Variants in PPP2R2B observed in about 807,000 individuals in gnomAD.
PPP2R2B encodes serine/threonine-protein phosphatase 2A 55 kDa regulatory subunit B beta isoform.
PPP2R2B carries 5 observed loss-of-function variants against 46.0 expected under a neutral mutation model. That is an observed-to-expected ratio of 0.11 (90% CI 0.06 to 0.23). The LOEUF (loss-of-function observed/expected upper bound fraction) is 0.23. Ranked by LOEUF, PPP2R2B falls within the 10% of genes least tolerant of loss-of-function variation. PPP2R2B has a pLI of 1.00. For synonymous variants in PPP2R2B, 215 were observed against 206.7 expected (o/e 1.04, Z -0.34); for missense variants, 367 against 575.0 (o/e 0.64, Z 3.70).
intron 2 of PPP2R2B, among the ~76,000 whole-genome samples, chr5:146,832,379 C>CTTTTTTTTTTTTT (rs34269274): frequency 5.7e-5 from 4 of 70,192 alleles, no homozygotes; most frequent in Non-Finnish European, 5.4e-5. Context: ...CATTTTTAAT[C>CTTTTTTTTTTTTT]TTTTTTTTTT....
chr5:146,979,599 G>A (rs1168586144), intron 1 of PPP2R2B, among the ~76,000 whole-genome samples: 2 of 136,228 alleles, frequency 1.5e-5, no homozygotes, highest in South Asian at 4.9e-4. Context: ...ACACACACAC[G>A]CTAGTCCCTC....
In PPP2R2B at chr5:147,016,426, G is replaced by A. The variant is rs546753050; in HGVS notation, c.79+39239C>T. On this transcript the variant is annotated intron_variant, in intron 1 of 8. Coordinates refer to the PPP2R2B transcript ENST00000336640. ...TATGACTTTGTTTTACTTCTAAGAC[G>A]TTGTTAGCATAGAATTTGAAGCTTA... Among the ~76,000 whole-genome samples, 72 of 151,258 alleles carry A rather than the reference G, an allele frequency of 4.8e-4. 1 individual carries two copies. The highest frequency in any genetic ancestry group is 1.6e-3 in the African/African-American group (65 of 41,434).
chr5:146,895,424 T>C (rs1448045727), intron 1 of PPP2R2B, among the ~76,000 whole-genome samples: 1 of 152,200 alleles, frequency 6.6e-6, no homozygotes, highest in Non-Finnish European at 1.5e-5. Flanking sequence ...AGTAAGCTCA[T>C]GAAAGAATCA....
intron 1 of PPP2R2B, among the ~76,000 whole-genome samples, chr5:146,948,771 C>G (rs115353154): frequency 1.9e-3 from 283 of 152,090 alleles, no homozygotes; most frequent in African/African-American, 6.6e-3. Flanking sequence ...AAGATAATAT[C>G]CTTACTTTCA....
At chr5:146,802,846 G>A (rs1303632656) in intron 2 of PPP2R2B, among the ~76,000 whole-genome samples, 2 of 152,188 alleles carry the variant, frequency 1.3e-5, no homozygotes, top group Non-Finnish European at 2.9e-5. Flanking sequence ...GCCAGCACTA[G>A]TTAGTTATGC....
chr5:147,074,146 A>G (rs1171981102), intron 2 of PPP2R2B, among the ~76,000 whole-genome samples: 1 of 152,188 alleles, frequency 6.6e-6, no homozygotes, highest in African/African-American at 2.4e-5. Context: ...AGTAATATAC[A>G]TTTTAACACC....
chr5:146,875,936 G>T (rs1387904118), intron 2 of PPP2R2B, among the ~76,000 whole-genome samples: 1 of 152,194 alleles, frequency 6.6e-6, no homozygotes, highest in Admixed American at 6.5e-5. Context: ...GAAACGAATA[G>T]GTCAAAACTG....
intron 2 of PPP2R2B, among the ~76,000 whole-genome samples, chr5:146,818,018 C>G (rs1403113788): frequency 6.6e-6 from 1 of 152,174 alleles, no homozygotes; most frequent in African/African-American, 2.4e-5. Context: ...CAGGGCTGCC[C>G]TATGCCCAAA....
intron 2 of PPP2R2B, among the ~76,000 whole-genome samples, chr5:147,078,045 AC>A (rs890166413): frequency 3.9e-5 from 6 of 152,158 alleles, no homozygotes; most frequent in African/African-American, 1.4e-4. Flanking sequence ...AAACTGTCTC[AC>A]CCATTTATAA....
intron 2 of PPP2R2B, among the ~76,000 whole-genome samples, chr5:146,737,737 T>C (rs1399739240): frequency 6.6e-6 from 1 of 152,146 alleles, no homozygotes. Context: ...GTGTTATATT[T>C]ATGGTGGGTG....
intron 4 of PPP2R2B, among the ~76,000 whole-genome samples, chr5:146,692,510 T>C (rs898128754): frequency 1.3e-5 from 2 of 150,686 alleles, no homozygotes; most frequent in African/African-American, 4.9e-5. Context: ...GTGCCCTACA[T>C]GCAGGCTTTT....
At chr5:147,027,410 G>A (rs570120480) in intron 1 of PPP2R2B, among the ~76,000 whole-genome samples, 15 of 152,182 alleles carry the variant, frequency 9.9e-5, no homozygotes, top group Admixed American at 2.6e-4. Flanking sequence ...AGAGGCCGGC[G>A]GATCATGAGG....
chr5:146,881,867 A>G (rs1762178246), upstream of PPP2R2B, among the ~76,000 whole-genome samples: 1 of 152,252 alleles, frequency 6.6e-6, no homozygotes, highest in Non-Finnish European at 1.5e-5. Flanking sequence ...TCATATTAAA[A>G]TAATCTGTTG....
At chr5:146,695,120 TTAAG>T (rs1779101300) in intron 4 of PPP2R2B, among the ~76,000 whole-genome samples, 2 of 152,120 alleles carry the variant, frequency 1.3e-5, no homozygotes, top group African/African-American at 2.4e-5. Flanking sequence ...ATTCCTATTA[TTAAG>T]TGTTATATTA....
intron 2 of PPP2R2B, among the ~76,000 whole-genome samples, chr5:146,768,344 A>G (rs1366797735): frequency 6.6e-6 from 1 of 152,118 alleles, no homozygotes; most frequent in Non-Finnish European, 1.5e-5. Context: ...AAAGTCCCAA[A>G]GAGCCACCAT....
At chr5:146,801,468 A>G (rs1396404466) in intron 2 of PPP2R2B, among the ~76,000 whole-genome samples, 2 of 152,236 alleles carry the variant, frequency 1.3e-5, no homozygotes, top group Admixed American at 1.3e-4. Flanking sequence ...CAAATATACA[A>G]TAAAACTAGA....
At chr5:146,775,596 T>G (rs1387435330) in intron 2 of PPP2R2B, among the ~76,000 whole-genome samples, 1 of 152,118 alleles carries the variant, frequency 6.6e-6, no homozygotes, top group African/African-American at 2.4e-5. Context: ...ATCACTTATA[T>G]TCAACATAAT....
chr5:146,933,997 C>A (rs536255038), intron 1 of PPP2R2B, among the ~76,000 whole-genome samples: 4 of 152,214 alleles, frequency 2.6e-5, no homozygotes, highest in Non-Finnish European at 5.9e-5. Flanking sequence ...CATGTCACTA[C>A]AAAGGACATG....
chr5:146,721,632 G>C (rs923493301), intron 2 of PPP2R2B, among the ~76,000 whole-genome samples: 1 of 152,248 alleles, frequency 6.6e-6, no homozygotes, highest in Non-Finnish European at 1.5e-5. Context: ...GCCCAAGCCA[G>C]GCTGCCGCCC....
Sources: allele counts gnomAD v4.1 joint callset (sites outside exome capture counted in the v4.1 genomes callset), GRCh38; gene constraint gnomAD v4.1.1; transcripts MANE v1.5; gene names NCBI Gene and HGNC (gene_info 2026-07-23, HGNC 2026-07-21).